The following CNTNAP2 variants were observed in gnomAD, a reference collection of about 807,000 sequenced individuals.
CNTNAP2 encodes contactin associated protein 2.
CNTNAP2 carries 98 observed loss-of-function variants against 155.2 expected under a neutral mutation model. That is an observed-to-expected ratio of 0.63 (90% CI 0.54 to 0.75). The LOEUF is 0.75. Among genes scored for constraint, CNTNAP2 ranks in the 30% least tolerant of loss-of-function variants. The pLI, the probability that CNTNAP2 is intolerant of heterozygous loss-of-function variation, is 0.00. For missense variants in CNTNAP2, 1,727 were observed against 1,688.1 expected, an observed-to-expected ratio of 1.02 and a Z score of -0.40; for synonymous variants, 651 against 631.2, an observed-to-expected ratio of 1.03 and a Z score of -0.47.
chr7:147,213,347 C>T (rs1803198554), intron 8 of CNTNAP2, among the ~76,000 whole-genome samples: 1 of 152,084 alleles, frequency 6.6e-6, no homozygotes, highest in Admixed American at 6.6e-5. Context: ...TTTGCTGATT[C>T]AAATAATAAT....
At chr7:147,363,602 A>G (rs1244686085) in intron 9 of CNTNAP2, among the ~76,000 whole-genome samples, 5 of 152,198 alleles carry the variant, frequency 3.3e-5, no homozygotes, top group Non-Finnish European at 7.4e-5. Flanking sequence ...TGTATGATTC[A>G]GTCATCACCA....
chr7:147,894,655 C>T (rs1480526562), intron 13 of CNTNAP2, among the ~76,000 whole-genome samples: 2 of 151,996 alleles, frequency 1.3e-5, no homozygotes, highest in African/African-American at 4.8e-5. Context: ...ATTATATACC[C>T]TTGTGGTGTT....
chr7:147,037,549 C>T (rs1039838170), intron 3 of CNTNAP2, among the ~76,000 whole-genome samples: 1 of 150,984 alleles, frequency 6.6e-6, no homozygotes, highest in East Asian at 2.0e-4. Context: ...GCAACCTCCA[C>T]CTCCCAGGTT....
At chr7:146,525,566 A>ATCTATCTATCTC (rs879890635) in intron 1 of CNTNAP2, among the ~76,000 whole-genome samples, 3 of 146,508 alleles carry the variant, frequency 2.0e-5, no homozygotes, top group African/African-American at 7.9e-5. Context: ...CTATCTATCT[A>ATCTATCTATCTC]TCTATCTATC....
At chr7:147,515,321 C>CTTTTTTTTTTTTTTTTTTT (rs763147267) in intron 11 of CNTNAP2, among the ~76,000 whole-genome samples, 1 of 126,168 alleles carries the variant, frequency 7.9e-6, no homozygotes, top group East Asian at 2.4e-4. Flanking sequence ...TCATTATATT[C>CTTTTTTTTTTTTTTTTTTT]TTTTTTTGTT....
intron 13 of CNTNAP2, among the ~76,000 whole-genome samples, chr7:147,795,887 A>G (rs1174368491): frequency 2.6e-5 from 4 of 152,180 alleles, no homozygotes; most frequent in Non-Finnish European, 5.9e-5. Context: ...TACTGTGATC[A>G]TATGGATCTA....
chr7:147,412,325 G>A (rs182297085), intron 10 of CNTNAP2, among the ~76,000 whole-genome samples: 1 of 152,242 alleles, frequency 6.6e-6, no homozygotes, highest in East Asian at 1.9e-4. Context: ...GCCCCTGCCT[G>A]TACTGATCTC....
At chr7:146,861,574 T>C (rs916040404) in intron 3 of CNTNAP2, among the ~76,000 whole-genome samples, 3 of 152,076 alleles carry the variant, frequency 2.0e-5, no homozygotes, top group Non-Finnish European at 4.4e-5. Flanking sequence ...TTGCTGACAC[T>C]TGGAGATTGT....
intron 9 of CNTNAP2, among the ~76,000 whole-genome samples, chr7:147,376,271 G>C (rs10250570): frequency 1.3e-5 from 2 of 151,526 alleles, no homozygotes; most frequent in Non-Finnish European, 2.9e-5. Context: ...GCAGATAGTC[G>C]AAGGAGAGAA....
intron 3 of CNTNAP2, among the ~76,000 whole-genome samples, chr7:146,913,297 T>C (rs1436190981): frequency 6.6e-6 from 1 of 152,146 alleles, no homozygotes; most frequent in Non-Finnish European, 1.5e-5. Flanking sequence ...GCTGCAACAT[T>C]GGTGCCTTCT....
At chr7:146,498,788 G>C (rs376337545) in intron 1 of CNTNAP2, among the ~76,000 whole-genome samples, 43 of 152,056 alleles carry the variant, frequency 2.8e-4, no homozygotes, top group African/African-American at 9.6e-4. Flanking sequence ...CCAGTAGATG[G>C]TTCATATATC....
intron 1 of CNTNAP2, among the ~76,000 whole-genome samples, chr7:146,593,652 C>T (rs1240950135): frequency 6.6e-6 from 1 of 151,988 alleles, no homozygotes; most frequent in Non-Finnish European, 1.5e-5. Context: ...TCAATTGGTA[C>T]CTCTCTATTA....
chr7:146,251,140 CAAT>C (rs1799749983), intron 1 of CNTNAP2, among the ~76,000 whole-genome samples: 1 of 152,040 alleles, frequency 6.6e-6, no homozygotes, highest in African/African-American at 2.4e-5. Context: ...AAAAACATCA[CAAT>C]GACACAAAAC....
At chr7:146,416,020 TA>T (rs1461500220) in intron 1 of CNTNAP2, among the ~76,000 whole-genome samples, 6 of 151,952 alleles carry the variant, frequency 3.9e-5, no homozygotes, top group Non-Finnish European at 4.4e-5. Context: ...CAAAGTCACA[TA>T]AAAAATATTT....
intron 8 of CNTNAP2, among the ~76,000 whole-genome samples, chr7:147,172,281 T>C (rs962063693): frequency 6.6e-6 from 1 of 152,300 alleles, no homozygotes; most frequent in East Asian, 1.9e-4. Flanking sequence ...GTTACCTAAA[T>C]CACATTTATT....
At chr7:146,716,372 T>TAAGA (rs1801188714) in intron 1 of CNTNAP2, among the ~76,000 whole-genome samples, 1 of 145,448 alleles carries the variant, frequency 6.9e-6, no homozygotes, top group African/African-American at 2.8e-5. Context: ...ATCAGTGGTT[T>TAAGA]AAAAAAACTC....
At chr7:147,224,668 G>A (rs970947915) in intron 8 of CNTNAP2, among the ~76,000 whole-genome samples, 1 of 151,460 alleles carries the variant, frequency 6.6e-6, no homozygotes, top group African/African-American at 2.4e-5. Flanking sequence ...AGTATATAAT[G>A]GGTGAAGTAT....
chr7:147,252,784 C>CA (rs1309351837), intron 8 of CNTNAP2, among the ~76,000 whole-genome samples: 7 of 152,064 alleles, frequency 4.6e-5, no homozygotes, highest in African/African-American at 1.2e-4. Flanking sequence ...ATGCATTTTA[C>CA]AAAAAATCAT....
intron 21 of CNTNAP2, among the ~76,000 whole-genome samples, chr7:148,338,554 G>T (rs1044561616): frequency 4.7e-5 from 7 of 150,256 alleles, no homozygotes; most frequent in Admixed American, 4.0e-4. Context: ...TGGGGCGTGG[G>T]GGGGTGAGGG....
Sources: allele counts gnomAD v4.1 joint callset (sites outside exome capture counted in the v4.1 genomes callset), GRCh38; gene constraint gnomAD v4.1.1; transcripts MANE v1.5; gene names NCBI Gene and HGNC (gene_info 2026-07-23, HGNC 2026-07-21).